KIAA1549L: variants seen among roughly 807,000 people sequenced by gnomAD.
KIAA1549L encodes the protein UPF0606 protein KIAA1549L.
Under a neutral mutation model 160.7 loss-of-function variants are expected in KIAA1549L, and 88 were observed. The ratio of observed to expected loss-of-function variants is 0.55; its 90% confidence interval spans 0.46 to 0.65. The LOEUF is 0.65. Ranked by LOEUF, KIAA1549L falls within the 30% of genes least tolerant of loss-of-function variation. The pLI is 0.00. For missense variants in KIAA1549L, 2,258 were observed against 2,437.5 expected (o/e 0.93, Z 1.55); for synonymous variants, 950 against 976.7 (o/e 0.97, Z 0.51).
rs371440137 is a variant in KIAA1549L at position 33,455,750 on chromosome 11, G to T, written c.238+78861G>T. Among the ~76,000 whole-genome samples the T allele has an allele frequency of 1.2e-3, 181 of 152,288 alleles. 1 individual carries two copies. The highest frequency in any genetic ancestry group is 4.3e-3 in the African/African-American group (179 of 41,542). The stretch of plus-strand genomic sequence containing the variant: ...CAGAAGATTCTAGAAGATGACAGAG[G>T]TCACAAGGCTATTGGTTAATTCCAT... On this transcript the variant is annotated intron_variant, in intron 1 of 20. Transcript: ENST00000658780.
intron 1 of KIAA1549L, among the ~76,000 whole-genome samples, chr11:33,397,954 C>T (rs1249271031): frequency 6.4e-4 from 70 of 109,410 alleles, no homozygotes; most frequent in Middle Eastern, 8.1e-3. Flanking sequence ...GAGATAGAGT[C>T]TTATGGTTGC....
chr11:33,512,719 C>T (rs2133108879), intron 1 of KIAA1549L, among the ~76,000 whole-genome samples: 1 of 152,314 alleles, frequency 6.6e-6, no homozygotes, highest in East Asian at 1.9e-4. Context: ...TTGCGCCCGG[C>T]CCCTGCTCTA....
At chr11:33,621,500 C>T (rs1256157521) in intron 16 of KIAA1549L, among the ~76,000 whole-genome samples, 1 of 152,168 alleles carries the variant, frequency 6.6e-6, no homozygotes, top group East Asian at 1.9e-4. Context: ...TATTATTAAA[C>T]CAACTTTGGC....
intron 16 of KIAA1549L, among the ~76,000 whole-genome samples, chr11:33,633,139 CTTTTTTTTTTTTTTTTT>C (rs56310347): frequency 1.6e-4 from 8 of 50,714 alleles, no homozygotes; most frequent in South Asian, 1.0e-3. Flanking sequence ...CCATGCCCAG[CTTTTTTTTTTTTTTTTT>C]TTTTTTTTTT....
intron 1 of KIAA1549L, among the ~76,000 whole-genome samples, chr11:33,444,357 C>T (rs1851568384): frequency 6.6e-6 from 1 of 152,104 alleles, no homozygotes; most frequent in South Asian, 2.1e-4. Context: ...TAGATATGCT[C>T]TTATAGAATG....
At chr11:33,426,030 A>C (rs1309496359) in intron 1 of KIAA1549L, among the ~76,000 whole-genome samples, 6 of 152,232 alleles carry the variant, frequency 3.9e-5, no homozygotes, top group Non-Finnish European at 7.3e-5. Flanking sequence ...GTGGAGGCTA[A>C]GGAGACTTGA....
intron 1 of KIAA1549L, among the ~76,000 whole-genome samples, chr11:33,540,754 G>A (rs1404801168): frequency 6.6e-6 from 1 of 152,126 alleles, no homozygotes; most frequent in Non-Finnish European, 1.5e-5. Flanking sequence ...GAGGCCAGAG[G>A]GAGCTTTGGC....
chr11:33,642,688 C>CGGAATGAGTCAGGGTGGAGCAGGTAATT (rs1564937427), intron 16 of KIAA1549L, among the ~76,000 whole-genome samples: 7 of 140,904 alleles, frequency 5.0e-5, no homozygotes, highest in East Asian at 3.9e-4. Context: ...AGCAGGTAAT[C>CGGAATGAGTCAGGGTGGAGCAGGTAATT]GGAATGAGTC....
At chr11:33,386,818 T>C (rs1040489110) in intron 1 of KIAA1549L, among the ~76,000 whole-genome samples, 10 of 147,612 alleles carry the variant, frequency 6.8e-5, no homozygotes, top group Non-Finnish European at 1.1e-4. Context: ...GTCTATAAAA[T>C]AATAGGGGCC....
chr11:33,433,531 T>G (rs1851294322), intron 1 of KIAA1549L, among the ~76,000 whole-genome samples: 2 of 152,184 alleles, frequency 1.3e-5, no homozygotes, highest in Non-Finnish European at 2.9e-5. Flanking sequence ...GACAGTATGG[T>G]GATCCCTCAA....
chr11:33,560,391 C>A (rs756504173), intron 7 of KIAA1549L, among the ~76,000 whole-genome samples: 1 of 152,182 alleles, frequency 6.6e-6, no homozygotes, highest in Non-Finnish European at 1.5e-5. Flanking sequence ...TCTGAGCAAT[C>A]TGGGTTGCTA....
At chr11:33,661,670 A>C (rs1852264751) in intron 20 of KIAA1549L, among the ~76,000 whole-genome samples, 1 of 152,160 alleles carries the variant, frequency 6.6e-6, no homozygotes, top group Non-Finnish European at 1.5e-5. Flanking sequence ...ACCTGACATC[A>C]GGAGTGAGAG....
chr11:33,583,330 T>A lies in KIAA1549L; in HGVS notation c.4403-8T>A, dbSNP rs764693629. ...TGTCATGTCCCTCCTGCTGGCTCTT[T>A]CCCACAGCCGTGGTGAAGAACCCGC... On this transcript the variant is annotated splice_polypyrimidine_tract_variant and splice_region_variant and intron_variant, in intron 10 of 20. Transcript: ENST00000658780. 3 of 1,598,262 alleles carry A rather than the reference T, an allele frequency of 1.9e-6. No individual in the cohort carries two copies. The highest frequency in any genetic ancestry group is 2.6e-6 in the Non-Finnish European group (3 of 1,172,422).
intron 1 of KIAA1549L, among the ~76,000 whole-genome samples, chr11:33,413,785 A>T (rs1850831408): frequency 6.6e-6 from 1 of 152,186 alleles, no homozygotes; most frequent in South Asian, 2.1e-4. Context: ...GTCTGCATGA[A>T]CTGCTGAAGT....
chr11:33,549,620 AG>A (rs576168124), intron 4 of KIAA1549L, among the ~76,000 whole-genome samples: 88 of 152,328 alleles, frequency 5.8e-4, no homozygotes, highest in African/African-American at 2.0e-3. Flanking sequence ...GAGGAAGCAA[AG>A]GCACACCCAT....
chr11:33,662,759 A>G (rs1186409943), intron 20 of KIAA1549L, among the ~76,000 whole-genome samples: 1 of 152,164 alleles, frequency 6.6e-6, no homozygotes, highest in Non-Finnish European at 1.5e-5. Flanking sequence ...TGTTCAAGAC[A>G]CTTAAAATGA....
intron 1 of KIAA1549L, among the ~76,000 whole-genome samples, chr11:33,409,069 C>T (rs1044646136): frequency 2.7e-5 from 4 of 150,752 alleles, no homozygotes; most frequent in African/African-American, 4.9e-5. Context: ...AGGTTAGAAA[C>T]GGTGTGAATG....
At chr11:33,520,593 G>A (rs1294885296) in intron 1 of KIAA1549L, among the ~76,000 whole-genome samples, 1 of 151,428 alleles carries the variant, frequency 6.6e-6, no homozygotes, top group Non-Finnish European at 1.5e-5. Flanking sequence ...TGTCATTATT[G>A]TTTAGAAAAC....
chr11:33,649,517 A>AG (rs1354275094), intron 17 of KIAA1549L, among the ~76,000 whole-genome samples: 4 of 150,950 alleles, frequency 2.6e-5, no homozygotes, highest in Admixed American at 2.6e-4. Flanking sequence ...AAAAAAAAAA[A>AG]AAAAAAAAAA....
Sources: gnomAD v4.1 joint callset for allele counts (sites outside exome capture counted in the v4.1 genomes callset) on GRCh38, gnomAD v4.1.1 for gene constraint, MANE v1.5 for transcripts, NCBI Gene and HGNC (gene_info 2026-07-23, HGNC 2026-07-21) for gene names.